NSMAF: variants seen among roughly 807,000 people sequenced by gnomAD.
NSMAF encodes the protein neutral sphingomyelinase activation associated factor, also known as protein FAN.
In NSMAF, 90 loss-of-function variants were observed where a neutral mutation model predicts 134.9. The observed-to-expected ratio is 0.67, with a 90% CI of 0.56 to 0.79. NSMAF has a LOEUF of 0.79. Among genes scored for constraint, NSMAF ranks in the 30% least tolerant of loss-of-function variants. The pLI is 0.00. For missense variants in NSMAF, 1,010 were observed against 1,119.0 expected (o/e 0.90, Z 1.39); for synonymous variants, 358 against 389.6 (o/e 0.92, Z 0.96).
chr8:58,583,791 TC>T lies in NSMAF; in HGVS notation c.*314del, dbSNP rs1805822632. 3.4e-6 allele frequency: 1 copy of T among 298,056 alleles called. No individual in the cohort carries two copies. 18.5% of individuals were successfully genotyped at this position (298,056 alleles called of 1,614,324 possible). On this transcript the variant is annotated 3_prime_UTR_variant, in exon 31 of 31. Transcript: ENST00000038176. ...ATTGTTCAGTGCTTTCTGACAAGTT[TC>T]CCCAGCCCAATTTATCTCTTAGCTA...
intron 22 of NSMAF, among the ~76,000 whole-genome samples, chr8:58,595,249 G>A (rs1197690465): frequency 6.6e-6 from 1 of 152,112 alleles, no homozygotes; most frequent in Non-Finnish European, 1.5e-5. Context: ...AAAGATTCAA[G>A]GAGCTGTGTA....
chr8:58,657,173 A>G (rs1684057228), intron 1 of NSMAF, among the ~76,000 whole-genome samples: 1 of 152,242 alleles, frequency 6.6e-6, no homozygotes, highest in South Asian at 2.1e-4. Context: ...CCACCAATGC[A>G]AGAATCTCCT....
intron 21 of NSMAF, among the ~76,000 whole-genome samples, chr8:58,596,844 C>T (rs542486970): frequency 8.5e-4 from 128 of 150,386 alleles, no homozygotes; most frequent in African/African-American, 2.8e-3. Context: ...AGGAGAACGG[C>T]GGCGTGAACC....
In NSMAF at chr8:58,654,433, T is replaced by C. The variant is rs142178018; in HGVS notation, c.59+5140A>G. On this transcript the variant is annotated intron_variant, in intron 1 of 30. Coordinates refer to ENST00000038176, the MANE Select transcript of NSMAF (RefSeq NM_003580.4). ...GGCATGGTGGCGCATGCCTGTAATC[T>C]CAGCTACTTGGGAGGCTGAGGCAGG... Among the ~76,000 whole-genome samples the C allele has an allele frequency of 8.8e-3, 1,339 of 152,018 alleles. 22 individuals are homozygous for C. Among genetic ancestry groups the C allele is most frequent in the African/African-American group, 0.03 (1,259 of 41,462 alleles).
chr8:58,623,340 T>C (rs1435571053), intron 8 of NSMAF, 37 bp downstream of exon 8: 4 of 1,610,440 alleles, frequency 2.5e-6, no homozygotes, highest in Admixed American at 1.7e-5. Context: ...TACAAGTTAA[T>C]TGACAATCAA....
At chr8:58,617,753 C>T (rs1806695111) in intron 9 of NSMAF, among the ~76,000 whole-genome samples, 1 of 152,128 alleles carries the variant, frequency 6.6e-6, no homozygotes, top group African/African-American at 2.4e-5. Context: ...GACAGTGTGG[C>T]GATTCCTCAA....
At chr8:58,631,407 T>A in intron 6 of NSMAF, 89 bp downstream of exon 6, 1 of 693,012 alleles carries the variant, frequency 1.4e-6, no homozygotes, top group Admixed American at 3.7e-5. Context: ...TATTATTATA[T>A]TTGATTAAAG....
intron 24 of NSMAF, among the ~76,000 whole-genome samples, chr8:58,590,366 T>C (rs56249776): frequency 0.26 from 39,377 of 152,066 alleles, 5,784 homozygotes; most frequent in South Asian, 0.36. Context: ...AAATCTCCAG[T>C]TGGGGGCAGA....
intron 14 of NSMAF, 76 bp downstream of exon 14, chr8:58,601,982 C>T (rs1394160131): frequency 1.4e-5 from 17 of 1,191,882 alleles, no homozygotes; most frequent in Middle Eastern, 2.0e-4. Flanking sequence ...CTTGGAGAAA[C>T]GAATTTCCTT....
chr8:58,632,878 C>T (rs1318353241), intron 5 of NSMAF, among the ~76,000 whole-genome samples: 1 of 152,198 alleles, frequency 6.6e-6, no homozygotes, highest in African/African-American at 2.4e-5. Context: ...TACTGTCTAT[C>T]TCATTGGAGT....
chr8:58,639,934 T>A, intron 2 of NSMAF: 1 of 354,300 alleles, frequency 2.8e-6, no homozygotes, highest in South Asian at 2.2e-5. Context: ...TCTAAAAGAG[T>A]TTAATTCAAA....
chr8:58,599,645 G>T (rs892265207), intron 18 of NSMAF, 105 bp downstream of exon 18: 3 of 1,286,476 alleles, frequency 2.3e-6, no homozygotes, highest in African/African-American at 3.0e-5. Flanking sequence ...CTTATTTAGA[G>T]AATTATATTG....
intron 19 of NSMAF, 119 bp downstream of exon 19, chr8:58,599,113 A>C (rs1269281537): frequency 1.1e-6 from 1 of 936,482 alleles, no homozygotes; most frequent in African/African-American, 1.7e-5. Flanking sequence ...TGAAGAAATA[A>C]GACTAATTGC....
chr8:58,638,845 G>A (rs1807263064), intron 2 of NSMAF, among the ~76,000 whole-genome samples: 1 of 152,146 alleles, frequency 6.6e-6, no homozygotes, highest in Admixed American at 6.5e-5. Context: ...CCTACGGAAT[G>A]GGAGAAAATA....
intron 13 of NSMAF, 119 bp downstream of exon 13, chr8:58,603,091 T>C (rs1806322152): frequency 1.0e-6 from 1 of 968,248 alleles, no homozygotes; most frequent in Middle Eastern, 2.5e-4. Flanking sequence ...CTGAAATGAG[T>C]TGTAATTTGT....
intron 28 of NSMAF, 158 bp downstream of exon 28, chr8:58,586,300 C>CAAA (rs1805883701): frequency 1.4e-6 from 1 of 709,748 alleles, no homozygotes; most frequent in Non-Finnish European, 2.3e-6. Context: ...ATACTGTACC[C>CAAA]TGGCATAAAG....
At chr8:58,598,505 A>AG (rs1806193519) in intron 19 of NSMAF, among the ~76,000 whole-genome samples, 1 of 44,844 alleles carries the variant, frequency 2.2e-5, no homozygotes, top group Non-Finnish European at 7.4e-5. Context: ...AAAAAAAAAA[A>AG]AAAAAAGAAA....
chr8:58,620,431 T>C (rs1806760306), intron 9 of NSMAF, among the ~76,000 whole-genome samples: 1 of 152,184 alleles, frequency 6.6e-6, no homozygotes, highest in African/African-American at 2.4e-5. Context: ...AAATAAGAGC[T>C]AGCACCTAAG....
chr8:58,589,415 C>G, intron 26 of NSMAF, 37 bp downstream of exon 26: 1 of 1,415,498 alleles, frequency 7.1e-7, no homozygotes, highest in Non-Finnish European at 9.2e-7. Context: ...CCATATAGCA[C>G]ACCAAGTTAA....
Sources: allele counts gnomAD v4.1 joint callset (sites outside exome capture counted in the v4.1 genomes callset), GRCh38; gene constraint gnomAD v4.1.1; transcripts MANE v1.5; gene names NCBI Gene and HGNC (gene_info 2026-07-23, HGNC 2026-07-21).